MAD1L1: variants seen among roughly 807,000 people sequenced by gnomAD.
The protein encoded by MAD1L1 is mitotic arrest deficient 1 like 1, also known as mitotic spindle assembly checkpoint protein MAD1.
Under a neutral mutation model 96.9 loss-of-function variants are expected in MAD1L1, and 95 were observed. The ratio of observed to expected loss-of-function variants is 0.98; its 90% CI spans 0.83 to 1.16. The LOEUF (loss-of-function observed/expected upper bound fraction) is 1.16, where lower values mean the gene tolerates loss of function less well. Ranked by LOEUF, MAD1L1 falls within the 50% of genes most tolerant of loss-of-function variation. MAD1L1 has a pLI of 0.00. For synonymous variants in MAD1L1, 473 were observed against 396.6 expected (o/e 1.19, Z -2.29); for missense variants, 1,007 against 954.4 (o/e 1.06, Z -0.73).
chr7:1,824,815 C>T (rs1044479848), intron 18 of MAD1L1, among the ~76,000 whole-genome samples: 4 of 152,054 alleles, frequency 2.6e-5, no homozygotes, highest in Non-Finnish European at 5.9e-5. Flanking sequence ...ACTCTCCGGG[C>T]GTCTCAAGTT....
At chr7:1,855,505 A>T (rs927027255) in intron 18 of MAD1L1, among the ~76,000 whole-genome samples, 1 of 151,952 alleles carries the variant, frequency 6.6e-6, no homozygotes, top group Non-Finnish European at 1.5e-5. Flanking sequence ...CTCCAGTCTC[A>T]TCCCTCACAC....
At chr7:2,006,823 A>G (rs1584057507) in intron 13 of MAD1L1, among the ~76,000 whole-genome samples, 1 of 152,138 alleles carries the variant, frequency 6.6e-6, no homozygotes, top group African/African-American at 2.4e-5. Context: ...ACAGGCTCTC[A>G]TGGGCTCCAA....
Position 2,230,558 on chromosome 7 carries a change from G to T in MAD1L1, c.-20C>A, listed in dbSNP as rs1412359781. 5.6e-6 allele frequency: 1 copy of T among 178,602 alleles called. No homozygotes were observed. Among genetic ancestry groups the T allele is most frequent in the Non-Finnish European group, 1.2e-5 (1 of 82,728 alleles). The allele number at this position is 178,602 out of a possible 1,614,324, so 11.1% of individuals were successfully genotyped here. On this transcript the variant is annotated 5_prime_UTR_variant, in exon 2 of 19. It adds an upstream start codon to the 5' untranslated region. Coordinates refer to ENST00000265854, the MANE Select transcript of MAD1L1 (RefSeq NM_001013836.2). ...GGGGAAACTGACTCACGCGATTACA[G>T]AGACTGTCCCACAACAGGCCGTCTG...
intron 11 of MAD1L1, among the ~76,000 whole-genome samples, chr7:2,111,379 G>GCTCAGCCCTTGCT (rs1318562578): frequency 6.6e-6 from 1 of 152,230 alleles, no homozygotes; most frequent in Non-Finnish European, 1.5e-5. Context: ...GACCGTGGCT[G>GCTCAGCCCTTGCT]CTCAGCCCTT....
rs574837484 is a variant in MAD1L1 at position 1,871,581 on chromosome 7, G to A, written c.1998+26619C>T. On this transcript the variant is annotated intron_variant, in intron 18 of 18. Coordinates refer to ENST00000265854, the MANE Select transcript of MAD1L1 (RefSeq NM_001013836.2). ...GAACCCAACATACGCCTGCCACGCC[G>A]AACCCACCGTAACACCTGCCACGCC... 3.2e-3 allele frequency among the ~76,000 whole-genome samples: 466 copies of A among 147,320 alleles called. 1 individual carries two copies. The highest frequency in any genetic ancestry group is 7.8e-3 in the South Asian group (36 of 4,594).
intron 17 of MAD1L1, among the ~76,000 whole-genome samples, chr7:1,928,159 G>A (rs1789199107): frequency 1.3e-5 from 2 of 149,800 alleles, no homozygotes; most frequent in South Asian, 4.2e-4. Context: ...GCCCATGACG[G>A]AACTCCCGCC....
Position 1,862,947 on chromosome 7 carries a change from G to C in MAD1L1, c.1998+35253C>G, listed in dbSNP as rs115212775. 7.0e-3 allele frequency among the ~76,000 whole-genome samples: 1,066 copies of C among 152,350 alleles called. 8 individuals carry two copies. Among genetic ancestry groups the C allele is most frequent in the African/African-American group, 0.024 (1,007 of 41,582 alleles). On this transcript the variant is annotated intron_variant, in intron 18 of 18. Transcript: ENST00000265854. Reference sequence around the variant, plus strand: ...GTCAGGGTCCCATGGGCACTAGACTGAGTCCGTGTCTTCAGGGGATCAGAC... The same window carrying C: ...GTCAGGGTCCCATGGGCACTAGACTCAGTCCGTGTCTTCAGGGGATCAGAC...
At chr7:2,215,147 G>A (rs903717403) in intron 9 of MAD1L1, among the ~76,000 whole-genome samples, 5 of 152,308 alleles carry the variant, frequency 3.3e-5, no homozygotes, top group Admixed American at 2.6e-4. Flanking sequence ...GGGAGGCTGA[G>A]GAGGGTGGAT....
intron 11 of MAD1L1, among the ~76,000 whole-genome samples, chr7:2,090,693 G>T (rs1283577631): frequency 6.6e-6 from 1 of 152,342 alleles, no homozygotes; most frequent in East Asian, 1.9e-4. Flanking sequence ...GCAGGGTCAG[G>T]TGTGTGTTGA....
chr7:2,115,177 G>A (rs538897147), intron 11 of MAD1L1, among the ~76,000 whole-genome samples: 2 of 152,372 alleles, frequency 1.3e-5, no homozygotes, highest in East Asian at 3.9e-4. Flanking sequence ...CACACCACGG[G>A]GCGCTGGCTC....
intron 16 of MAD1L1, among the ~76,000 whole-genome samples, chr7:1,938,840 GCA>G (rs72439038): frequency 0.31 from 28,148 of 90,300 alleles, 3,853 homozygotes; most frequent in East Asian, 0.45. Context: ...GGGGCCAGAG[GCA>G]CACACACACA....
At chr7:1,840,054 G>A (rs1783162687) in intron 18 of MAD1L1, among the ~76,000 whole-genome samples, 1 of 152,344 alleles carries the variant, frequency 6.6e-6, no homozygotes, top group African/African-American at 2.4e-5. Context: ...ACATGGGCGA[G>A]GGCCAGACGA....
intron 10 of MAD1L1, among the ~76,000 whole-genome samples, chr7:2,203,221 G>C (rs571513781): frequency 6.6e-6 from 1 of 152,244 alleles, no homozygotes; most frequent in African/African-American, 2.4e-5. Context: ...GTGGGGGCTC[G>C]GCTACAGGAC....
At chr7:1,980,055 A>T (rs956091333) in intron 15 of MAD1L1, among the ~76,000 whole-genome samples, 1 of 152,188 alleles carries the variant, frequency 6.6e-6, no homozygotes, top group East Asian at 1.9e-4. Context: ...GCAGAGGAGC[A>T]AGACTTTACT....
chr7:2,182,349 G>A (rs549121826), intron 10 of MAD1L1, among the ~76,000 whole-genome samples: 4 of 152,010 alleles, frequency 2.6e-5, no homozygotes, highest in African/African-American at 9.7e-5. Context: ...TCATAATAAG[G>A]GTTAAAAATT....
chr7:1,930,869 C>CCCAGGAGA (rs1408426589), intron 17 of MAD1L1, among the ~76,000 whole-genome samples: 1 of 152,142 alleles, frequency 6.6e-6, no homozygotes, highest in Non-Finnish European at 1.5e-5. Flanking sequence ...TCTCTCGTGA[C>CCCAGGAGA]CCAGGAGACC....
intron 18 of MAD1L1, among the ~76,000 whole-genome samples, chr7:1,825,538 A>T (rs35091011): frequency 0.42 from 63,738 of 152,156 alleles, 13,525 homozygotes; most frequent in Non-Finnish European, 0.46. Context: ...CACGGGCCCA[A>T]GCCCCTCGGC....
chr7:2,076,595 G>T (rs1014593769), intron 11 of MAD1L1, among the ~76,000 whole-genome samples: 1 of 152,228 alleles, frequency 6.6e-6, no homozygotes, highest in African/African-American at 2.4e-5. Flanking sequence ...GGGTCACACC[G>T]AGGCTTCCGG....
intron 12 of MAD1L1, among the ~76,000 whole-genome samples, chr7:2,032,689 T>C (rs1376804033): frequency 3.9e-5 from 6 of 152,200 alleles, no homozygotes; most frequent in Non-Finnish European, 8.8e-5. Flanking sequence ...CGAGGGACCC[T>C]GTGCTGCTTC....
Sources: allele counts gnomAD v4.1 joint callset (sites outside exome capture counted in the v4.1 genomes callset), GRCh38; gene constraint gnomAD v4.1.1; transcripts MANE v1.5; gene names NCBI Gene and HGNC (gene_info 2026-07-23, HGNC 2026-07-21).